FREM2: variants seen among roughly 807,000 people sequenced by gnomAD.
FREM2 encodes the protein FRAS1 related extracellular matrix 2.
Under a neutral mutation model 219.9 loss-of-function variants are expected in FREM2, and 119 were observed. The ratio of observed to expected loss-of-function variants is 0.54; its 90% CI spans 0.47 to 0.63. The LOEUF (loss-of-function observed/expected upper bound fraction) is 0.63, where lower values mean the gene tolerates loss of function less well. Ranked by LOEUF, FREM2 falls within the 30% of genes least tolerant of loss-of-function variation. The pLI is 0.00. For synonymous variants in FREM2, 1,562 were observed against 1,522.8 expected (o/e 1.03, Z -0.60); for missense variants, 4,030 against 3,993.6 (o/e 1.01, Z -0.25).
At chr13:38,786,402 A>C (rs1874332001) in intron 6 of FREM2, among the ~76,000 whole-genome samples, 3 of 152,200 alleles carry the variant, frequency 2.0e-5, no homozygotes, top group Admixed American at 2.0e-4. Flanking sequence ...ATACCCTATA[A>C]GTATAAGCTG....
In FREM2 at chr13:38,721,212, T is replaced by C. The variant is rs1222012532; in HGVS notation, c.5263+23425T>C. ...ATTTTTGAAAAAGCAATTGTGTGTT[T>C]GGTAGAGGCAGAAAAAAAAATATTG... On this transcript the variant is annotated intron_variant, in intron 2 of 23. Transcript: ENST00000280481. Among the ~76,000 whole-genome samples the C allele has an allele frequency of 2.6e-5, 4 of 151,476 alleles. No homozygotes were observed. In the Admixed American group the frequency reaches 2.6e-4, roughly 10 times the overall value.
chr13:38,690,907 A>G lies in FREM2; in HGVS notation c.3563A>G (p.Asp1188Gly). ...CCCATTGTAATCATTCCCACCAATG[A>G]TGAACAGCCAGAGATGTTTATGAGA... Reference protein sequence around the residue: ...FFPIVIIPTNDEQPEMFMREF... With the variant: ...FFPIVIIPTNGEQPEMFMREF... Residue 1188 changes from aspartate (D) to glycine (G), a missense_variant, in exon 1 of 24, where the codon GAT becomes GGT. Asp to Gly is a moderately conservative substitution (Grantham distance 94). Around this residue, in one of 2 missense-constraint regions of FREM2, gnomAD observed 3,102 missense variants for 2,950.7 expected, o/e 1.05. Coordinates refer to ENST00000280481, the MANE Select transcript of FREM2 (RefSeq NM_207361.6). 6.2e-7 allele frequency: 1 copy of G among 1,614,164 alleles called. No homozygotes were observed. Among genetic ancestry groups the G allele is most frequent in the Non-Finnish European group, 8.5e-7 (1 of 1,179,992 alleles).
rs1471100555 is a variant in FREM2, at chr13:38,781,198, T to G, written c.5642-1872T>G. Among the ~76,000 whole-genome samples the G allele has an allele frequency of 2.0e-5, 3 of 152,032 alleles. No homozygotes were observed. The East Asian group carries it at 5.8e-4, about 29-fold the overall frequency. On this transcript the variant is annotated intron_variant, in intron 4 of 23. Transcript: ENST00000280481. ...AGCACACTGGCCTCCTGGCTATTCCTTGTACACACTTGGCACAACCTGCCC... is the reference window on the plus strand; with the variant it reads ...AGCACACTGGCCTCCTGGCTATTCCGTGTACACACTTGGCACAACCTGCCC...
chr13:38,784,801 A>AGAT lies in FREM2; in HGVS notation c.6017_6019dup (p.Asp2006dup). ...CTCAAGTTACAATCGTTCCTGACAAAGATGATGGTGAGTACTAATTTACTT... is the reference window on the plus strand; with the variant it reads ...CTCAAGTTACAATCGTTCCTGACAAAGATGATGATGGTGAGTACTAATTTACTT... On this transcript the variant is annotated inframe_insertion, in exon 6 of 24. Coordinates refer to ENST00000280481, the MANE Select transcript of FREM2 (RefSeq NM_207361.6). 1 of 1,614,142 alleles carries AGAT rather than the reference A, an allele frequency of 6.2e-7. No homozygotes were observed. Among genetic ancestry groups the AGAT allele is most frequent in the Non-Finnish European group, 8.5e-7 (1 of 1,180,010 alleles).
rs1869484655 is a variant in FREM2 at position 38,687,143 on chromosome 13, G to C, written c.-202G>C. 1.5e-6 allele frequency: 1 copy of C among 665,122 alleles called. No homozygotes were observed. The allele number at this position is 665,122 out of a possible 1,614,324, so 41.2% of individuals were successfully genotyped here. On this transcript the variant is annotated 5_prime_UTR_variant, in exon 1 of 24. Transcript: ENST00000280481. ...GCGGCGGAGCTGGACGGCCTGGGAA[G>C]GCTTCGGCTCCTCGGCTGCGGCTCC...
At chr13:38,806,549 TGTG>T (rs1875234591) in intron 6 of FREM2, among the ~76,000 whole-genome samples, 1 of 152,012 alleles carries the variant, frequency 6.6e-6, no homozygotes, top group Non-Finnish European at 1.5e-5. Flanking sequence ...GCAATAGTAT[TGTG>T]TCTAAAAATG....
intron 2 of FREM2, among the ~76,000 whole-genome samples, chr13:38,730,760 C>T (rs1871733210): frequency 6.6e-6 from 1 of 152,064 alleles, no homozygotes; most frequent in Admixed American, 6.6e-5. Flanking sequence ...AGACTCATTG[C>T]CTTCATTTTA....
intron 2 of FREM2, among the ~76,000 whole-genome samples, chr13:38,747,395 ATGTGTGTG>A (rs71917471): frequency 1.4e-5 from 2 of 142,918 alleles, no homozygotes; most frequent in African/African-American, 2.6e-5. Flanking sequence ...CTGATATAAT[ATGTGTGTG>A]TGTGTGTGTG....
chr13:38,815,872 A>G (rs1245815065), intron 6 of FREM2, among the ~76,000 whole-genome samples: 1 of 152,186 alleles, frequency 6.6e-6, no homozygotes, highest in African/African-American at 2.4e-5. Context: ...TTTATGAGGG[A>G]TCTGTACCCA....
At chr13:38,762,684 C>T (rs993495901) in intron 2 of FREM2, among the ~76,000 whole-genome samples, 5 of 152,144 alleles carry the variant, frequency 3.3e-5, no homozygotes, top group Admixed American at 2.6e-4. Context: ...GGTGATCCAC[C>T]TCAGCCTCCC....
intron 4 of FREM2, among the ~76,000 whole-genome samples, chr13:38,780,627 A>G (rs1182985123): frequency 6.6e-6 from 1 of 152,248 alleles, no homozygotes; most frequent in Admixed American, 6.5e-5. Flanking sequence ...GTAAAAAGCC[A>G]GTAGCCAGAC....
At chr13:38,694,880 C>T (rs529398911) in intron 1 of FREM2, among the ~76,000 whole-genome samples, 76 of 152,176 alleles carry the variant, frequency 5.0e-4, no homozygotes, top group East Asian at 1.7e-3. Flanking sequence ...ACAATAAGTA[C>T]GTAATGATAT....
intron 1 of FREM2, among the ~76,000 whole-genome samples, chr13:38,695,689 A>AT (rs1464679104): frequency 2.6e-5 from 4 of 152,140 alleles, no homozygotes; most frequent in Admixed American, 6.5e-5. Context: ...AGTTTACTGC[A>AT]TTTTTTTACT....
chr13:38,838,692 C>T (rs7336199), intron 6 of FREM2, among the ~76,000 whole-genome samples: 14,766 of 152,124 alleles, frequency 0.097, 1,533 homozygotes, highest in African/African-American at 0.26. Context: ...CTTGTCTTCA[C>T]GCTTTATTTC....
Position 38,687,746 on chromosome 13 carries a change from C to G in FREM2, c.402C>G (p.Gly134=). ...GCTTCCCGTGCGACTTTGGCCCTGG[C>G]GAGGTGCGCTACTCTCACCTGGGCG... is the stretch of plus-strand genomic sequence containing the variant. ...PKRFPCDFGP[G]EVRYSHLGAR... Residue 134 remains glycine, a synonymous_variant, in exon 1 of 24, where the codon GGC becomes GGG. Coordinates refer to ENST00000280481, the MANE Select transcript of FREM2 (RefSeq NM_207361.6). 1 of 1,543,954 alleles carries G rather than the reference C, an allele frequency of 6.5e-7. No individual in the cohort carries two copies. Among genetic ancestry groups the G allele is most frequent in the Non-Finnish European group, 8.8e-7 (1 of 1,142,544 alleles).
intron 2 of FREM2, among the ~76,000 whole-genome samples, chr13:38,738,438 T>C (rs1380226427): frequency 6.6e-6 from 1 of 151,800 alleles, no homozygotes; most frequent in Non-Finnish European, 1.5e-5. Flanking sequence ...TGGTGGCACA[T>C]GCCTGTGGTC....
intron 3 of FREM2, among the ~76,000 whole-genome samples, chr13:38,768,841 A>G (rs1479260302): frequency 6.6e-6 from 1 of 152,188 alleles, no homozygotes; most frequent in Non-Finnish European, 1.5e-5. Context: ...CGATGTAGTT[A>G]GAGACCCAGA....
intron 6 of FREM2, among the ~76,000 whole-genome samples, chr13:38,813,039 T>G (rs923164702): frequency 2.6e-5 from 4 of 152,052 alleles, no homozygotes; most frequent in Admixed American, 6.6e-5. Context: ...AAAGTTACAG[T>G]TATTATTTTT....
At chr13:38,772,202 AAATTTATCCAGCTCATATTT>A (rs1158531959) in intron 4 of FREM2, among the ~76,000 whole-genome samples, 8 of 152,200 alleles carry the variant, frequency 5.3e-5, no homozygotes, top group African/African-American at 1.9e-4. Flanking sequence ...TTTACATTAA[AAATTTATCCAGCTCATATTT>A]GTGCTGGGTA....
Sources: allele counts gnomAD v4.1 joint callset (sites outside exome capture counted in the v4.1 genomes callset), GRCh38; gene constraint gnomAD v4.1.1; regional missense constraint gnomAD v4.1.1; transcripts MANE v1.5; gene names NCBI Gene and HGNC (gene_info 2026-07-23, HGNC 2026-07-21).